The following FAT3 variants were observed in gnomAD, a reference collection of about 807,000 sequenced individuals.
The protein encoded by FAT3 is protocadherin Fat 3.
In FAT3, 95 loss-of-function variants were observed where a neutral mutation model predicts 310.2. The ratio of observed to expected loss-of-function variants is 0.31; its 90% CI spans 0.26 to 0.36. FAT3 has a LOEUF of 0.36. Among genes scored for constraint, FAT3 ranks in the 10% least tolerant of loss-of-function variants. The probability of loss-of-function intolerance (pLI) is 1.00; values close to 1 mark genes in which losing one functional copy is unlikely to be tolerated. For missense variants in FAT3, 5,408 were observed against 5,715.6 expected (o/e 0.95, Z 1.74); for synonymous variants, 2,314 against 2,192.9 (o/e 1.06, Z -1.54).
intron 6 of FAT3, among the ~76,000 whole-genome samples, chr11:92,770,066 G>A (rs879632626): frequency 5.9e-5 from 9 of 152,124 alleles, no homozygotes; most frequent in Non-Finnish European, 7.4e-5. Flanking sequence ...ATATTCATAC[G>A]TCATTTCTAT....
intron 13 of FAT3, among the ~76,000 whole-genome samples, chr11:92,815,846 C>T (rs904216052): frequency 7.9e-5 from 12 of 152,302 alleles, no homozygotes; most frequent in East Asian, 3.9e-4. Flanking sequence ...GGAATAAAGA[C>T]ATGTTTGCTC....
chr11:92,855,725 T>G (rs1297651118), intron 19 of FAT3, among the ~76,000 whole-genome samples: 1 of 152,178 alleles, frequency 6.6e-6, no homozygotes, highest in Non-Finnish European at 1.5e-5. Context: ...TAGAACCATT[T>G]GTACAGCCCT....
Position 92,867,046 on chromosome 11 carries a change from G to C in FAT3, c.11964G>C (p.Ser3988=), listed in dbSNP as rs749612005. 2 of 1,588,820 alleles carry C rather than the reference G, an allele frequency of 1.3e-6. No homozygotes were observed. The highest frequency in any genetic ancestry group is 2.7e-5 in the African/African-American group (2 of 74,494). Residue 3988 remains serine (S), a synonymous_variant, in exon 22 of 28, where the codon TCG becomes TCC. Transcript: ENST00000525166. ...VLSGFQGCLD[S]VILNNNELPL... is the part of the protein sequence containing the mutation. Reference sequence around the variant, plus strand: ...GCGGCTTCCAGGGCTGCCTGGACTCGGTGATACTGAATAACAATGAGCTGC... The same window carrying C: ...GCGGCTTCCAGGGCTGCCTGGACTCCGTGATACTGAATAACAATGAGCTGC...
Position 92,800,815 on chromosome 11 carries a change from T to C in FAT3, c.7802T>C (p.Met2601Thr), listed in dbSNP as rs372842153. Reference sequence around the variant, plus strand: ...GAAAATGACAATGCTCCCCAGTTCATGACAGTGGAATATAGAGCCAGTGTC... The same window carrying C: ...GAAAATGACAATGCTCCCCAGTTCACGACAGTGGAATATAGAGCCAGTGTC... ...VDENDNAPQF[M>T]TVEYRASVRA... Residue 2601 changes from methionine to threonine, a missense_variant, in exon 10 of 28, where the codon ATG becomes ACG. Met to Thr is a moderately conservative substitution (Grantham distance 81, BLOSUM62 -1). This residue lies in a region of FAT3 where 4,588 missense variants were observed against 4,809.8 expected (regional missense o/e 0.95). Transcript: ENST00000525166. 31 of 1,613,820 alleles carry C rather than the reference T, an allele frequency of 1.9e-5. No individual in the cohort carries two copies. Among genetic ancestry groups the C allele is most frequent in the Non-Finnish European group, 2.4e-5 (28 of 1,179,854 alleles).
At chr11:92,536,504 A>C (rs1452260239) in intron 3 of FAT3, among the ~76,000 whole-genome samples, 1 of 152,206 alleles carries the variant, frequency 6.6e-6, no homozygotes, top group African/African-American at 2.4e-5. Context: ...GCAACTAATG[A>C]ACTGGCTTGC....
At chr11:92,446,100 C>T (rs1051336779) in intron 2 of FAT3, among the ~76,000 whole-genome samples, 1 of 151,730 alleles carries the variant, frequency 6.6e-6, no homozygotes, top group African/African-American at 2.4e-5. Flanking sequence ...TTTCATTGAC[C>T]TAAAGTCACT....
At chr11:92,405,281 C>A (rs7106911) in intron 2 of FAT3, among the ~76,000 whole-genome samples, 1 of 152,106 alleles carries the variant, frequency 6.6e-6, no homozygotes, top group African/African-American at 2.4e-5. Flanking sequence ...TCTAGAGGAT[C>A]ACAGGCATCA....
At chr11:92,560,765 G>C (rs957944188) in intron 3 of FAT3, among the ~76,000 whole-genome samples, 1 of 152,154 alleles carries the variant, frequency 6.6e-6, no homozygotes, top group African/African-American at 2.4e-5. Flanking sequence ...CACTGTAGGT[G>C]CTGGCAGATC....
At chr11:92,778,228 T>G (rs1241069635) in intron 7 of FAT3, among the ~76,000 whole-genome samples, 1 of 152,186 alleles carries the variant, frequency 6.6e-6, no homozygotes, top group Non-Finnish European at 1.5e-5. Flanking sequence ...TTAGTGGCTC[T>G]TTGATAGTCT....
rs374013215 is a variant in FAT3 at position 92,801,105 on chromosome 11, G to A, written c.8092G>A (p.Val2698Ile). 7.2e-5 allele frequency: 117 copies of A among 1,613,796 alleles called. No homozygotes were observed. Among genetic ancestry groups the A allele is most frequent in the Admixed American group, 3.7e-4 (22 of 60,006 alleles). ...CTCCCTCATTCCTGTCTATATCCAC[G>A]TCTTGCCCCCTGAAACGTTCTTGCC... ...KHSLIPVYIH[V>I]LPPETFLPSF... is the part of the protein sequence containing the mutation. The change falls in exon 10 of 28, where the codon GTC becomes ATC. Residue 2698 changes from valine (V) to isoleucine (I), a missense_variant. Physicochemically the swap from Val to Ile is conservative, Grantham distance 29. Around this residue, in one of 5 missense-constraint regions of FAT3, gnomAD observed 4,588 missense variants for 4,809.8 expected, o/e 0.95. Coordinates refer to ENST00000525166, the MANE Select transcript of FAT3 (RefSeq NM_001367949.2).
At position 92,353,688 on chromosome 11, in the gene FAT3, G is replaced by A. The variant is rs749235804; in HGVS notation, c.1576G>A (p.Gly526Ser). 1 of 1,613,896 alleles carries A rather than the reference G, an allele frequency of 6.2e-7. No individual in the cohort carries two copies. Among genetic ancestry groups the A allele is most frequent in the South Asian group, 1.1e-5 (1 of 91,074 alleles). Residue 526 changes from glycine to serine, a missense_variant, in exon 2 of 28, where the codon GGT (glycine) becomes AGT (serine). Gly to Ser is a moderately conservative substitution (Grantham distance 56, BLOSUM62 0). This residue lies in a region of FAT3 where 4,588 missense variants were observed against 4,809.8 expected (regional missense o/e 0.95). Coordinates refer to ENST00000525166, the MANE Select transcript of FAT3 (RefSeq NM_001367949.2). ...ACCATTTGTCATTAATCAGTTTACAGGTGTTATTAGCACAACTGAAGAACT... is the reference window on the plus strand; with the variant it reads ...ACCATTTGTCATTAATCAGTTTACAAGTGTTATTAGCACAACTGAAGAACT... Reference protein sequence around the residue: ...LLPFVINQFTGVISTTEELDF... With the variant: ...LLPFVINQFTSVISTTEELDF...
rs145353780 is a variant in FAT3, at chr11:92,850,527, G to C, written c.11365+5795G>C. Among the ~76,000 whole-genome samples the C allele has an allele frequency of 2.1e-3, 326 of 152,334 alleles. 2 individuals carry two copies. Among genetic ancestry groups the C allele is most frequent in the Non-Finnish European group, 3.4e-3 (230 of 68,034 alleles). On this transcript the variant is annotated intron_variant, in intron 19 of 27. Coordinates refer to ENST00000525166, the MANE Select transcript of FAT3 (RefSeq NM_001367949.2). ...GAGAACCATAAGAAATGACTTCAAAGTTGAGACTTCCGTTTTTTAAAACTT... is the reference window on the plus strand; with the variant it reads ...GAGAACCATAAGAAATGACTTCAAACTTGAGACTTCCGTTTTTTAAAACTT...
intron 2 of FAT3, chr11:92,366,455 AG>A: frequency 2.6e-6 from 1 of 387,254 alleles, no homozygotes. Flanking sequence ...TGTGACAGAC[AG>A]GGAGGGTGCT....
chr11:92,247,836 G>T (rs1864983695), intron 1 of FAT3, among the ~76,000 whole-genome samples: 1 of 151,506 alleles, frequency 6.6e-6, no homozygotes, highest in Non-Finnish European at 1.5e-5. Context: ...GGGCATTGTG[G>T]CATGAGCCTG....
intron 2 of FAT3, among the ~76,000 whole-genome samples, chr11:92,470,190 C>G (rs920718579): frequency 1.3e-5 from 2 of 152,186 alleles, no homozygotes; most frequent in African/African-American, 4.8e-5. Flanking sequence ...AGGAAATTCT[C>G]TCTTCCATAC....
intron 4 of FAT3, among the ~76,000 whole-genome samples, chr11:92,747,256 T>G (rs1183254064): frequency 6.6e-6 from 1 of 152,244 alleles, no homozygotes; most frequent in East Asian, 1.9e-4. Flanking sequence ...GTTCTTGACT[T>G]CTGTGCACCC....
intron 1 of FAT3, among the ~76,000 whole-genome samples, chr11:92,341,586 G>A (rs952891172): frequency 6.6e-6 from 1 of 152,098 alleles, no homozygotes; most frequent in African/African-American, 2.4e-5. Context: ...GCAAACTTTT[G>A]GATTGTATTC....
At chr11:92,500,340 T>C (rs1161158817) in intron 2 of FAT3, among the ~76,000 whole-genome samples, 2 of 152,090 alleles carry the variant, frequency 1.3e-5, no homozygotes, top group Non-Finnish European at 2.9e-5. Context: ...ACTTTTATGA[T>C]CTATAAGGTA....
intron 22 of FAT3, among the ~76,000 whole-genome samples, chr11:92,878,745 A>G (rs1591844702): frequency 6.6e-6 from 1 of 151,344 alleles, no homozygotes; most frequent in East Asian, 1.9e-4. Context: ...AGAAACTGTC[A>G]TAAAAAGTAA....
Sources: allele counts gnomAD v4.1 joint callset (sites outside exome capture counted in the v4.1 genomes callset), GRCh38; gene constraint gnomAD v4.1.1; regional missense constraint gnomAD v4.1.1; transcripts MANE v1.5; gene names NCBI Gene and HGNC (gene_info 2026-07-23, HGNC 2026-07-21).